The following KAZN variants were observed in gnomAD, a reference collection of about 807,000 sequenced individuals.
The protein encoded by KAZN is kazrin, periplakin interacting protein, also known as kazrin.
In KAZN, 40 loss-of-function variants were observed where a neutral mutation model predicts 87.4. The observed-to-expected ratio is 0.46, with a 90% CI of 0.36 to 0.60. KAZN has a LOEUF of 0.60. Ranked by LOEUF, KAZN falls within the 20% of genes least tolerant of loss-of-function variation. The probability of loss-of-function intolerance (pLI) is 0.00; values close to 1 mark genes in which losing one functional copy is unlikely to be tolerated. For missense variants in KAZN, 898 were observed against 1,073.9 expected, an observed-to-expected ratio of 0.84 and a Z score of 2.29; for synonymous variants, 466 against 458.3, an observed-to-expected ratio of 1.02 and a Z score of -0.22.
At chr1:14,399,006 G>A (rs2101123974) in intron 2 of KAZN, among the ~76,000 whole-genome samples, 1 of 152,080 alleles carries the variant, frequency 6.6e-6, no homozygotes, top group East Asian at 1.9e-4. Context: ...GCCATCCCTG[G>A]ACAAAGAAAT....
chr1:14,512,664 G>T (rs2148447407), intron 2 of KAZN, among the ~76,000 whole-genome samples: 1 of 152,304 alleles, frequency 6.6e-6, no homozygotes, highest in Admixed American at 6.5e-5. Context: ...CAGTTCGCCG[G>T]GGTCACTAGA....
chr1:14,575,587 A>G (rs1266698054), intron 2 of KAZN, among the ~76,000 whole-genome samples: 1 of 152,012 alleles, frequency 6.6e-6, no homozygotes, highest in Non-Finnish European at 1.5e-5. Context: ...ACCATGTCAA[A>G]GAGGTAGTCA....
chr1:14,956,299 GA>G (rs35057453), intron 1 of KAZN, among the ~76,000 whole-genome samples: 4,678 of 99,518 alleles, frequency 0.047, 140 homozygotes, highest in Non-Finnish European at 0.06. Context: ...AGAAGTCACT[GA>G]AAAAAAAAAA....
chr1:13,991,787 G>A (rs757622048), intron 1 of KAZN, among the ~76,000 whole-genome samples: 17 of 151,914 alleles, frequency 1.1e-4, no homozygotes, highest in African/African-American at 3.9e-4. Flanking sequence ...AACAAATATC[G>A]TGGTTGACAT....
In KAZN at chr1:14,408,899, A is replaced by T. The variant is rs193021089; in HGVS notation, c.250-190084A>T. On this transcript the variant is annotated intron_variant, in intron 2 of 16. Transcript: ENST00000636203. Reference sequence around the variant, plus strand: ...GAAAGAAAAGAAGAGGATGGGGTAGAGAATAATGGAGGGGGGGCGTTGTTT... The same window carrying T: ...GAAAGAAAAGAAGAGGATGGGGTAGTGAATAATGGAGGGGGGGCGTTGTTT... Among the ~76,000 whole-genome samples the T allele has an allele frequency of 7.9e-5, 12 of 152,126 alleles. No individual in the cohort carries two copies. The East Asian group carries it at 2.3e-3, about 29-fold the overall frequency.
intron 1 of KAZN, among the ~76,000 whole-genome samples, chr1:13,936,964 G>A (rs895762346): frequency 2.6e-5 from 4 of 151,582 alleles, no homozygotes; most frequent in African/African-American, 9.7e-5. Flanking sequence ...GTGATGTTGA[G>A]CATTTTTATG....
At chr1:14,728,056 C>A (rs576839616) in intron 1 of KAZN, among the ~76,000 whole-genome samples, 19 of 151,816 alleles carry the variant, frequency 1.3e-4, no homozygotes, top group Non-Finnish European at 2.2e-4. Context: ...GAGGCCGAGA[C>A]GGGCGGATCA....
chr1:14,970,607 A>G (rs1664926030), intron 2 of KAZN, among the ~76,000 whole-genome samples: 1 of 152,220 alleles, frequency 6.6e-6, no homozygotes, highest in East Asian at 1.9e-4. Context: ...GGCAGCCAGG[A>G]CGGCGCCTTC....
intron 2 of KAZN, among the ~76,000 whole-genome samples, chr1:14,259,522 AC>A (rs1557599838): frequency 2.6e-5 from 4 of 151,646 alleles, no homozygotes; most frequent in African/African-American, 9.7e-5. Context: ...TCCCAGCCTC[AC>A]CCCCCAAGTG....
At chr1:14,172,956 G>T (rs1460603122) in intron 1 of KAZN, among the ~76,000 whole-genome samples, 1 of 152,050 alleles carries the variant, frequency 6.6e-6, no homozygotes, top group East Asian at 1.9e-4. Context: ...CTTCTTATAT[G>T]GCAGCTTCTC....
chr1:14,366,410 G>A (rs909519401), intron 2 of KAZN, among the ~76,000 whole-genome samples: 10 of 152,208 alleles, frequency 6.6e-5, no homozygotes, highest in Admixed American at 6.5e-4. Context: ...TCTGTATATA[G>A]GAAACTTGGA....
At chr1:14,721,668 G>T (rs1251150679) in intron 1 of KAZN, among the ~76,000 whole-genome samples, 1 of 152,192 alleles carries the variant, frequency 6.6e-6, no homozygotes, top group Non-Finnish European at 1.5e-5. Flanking sequence ...TGTCTTTTCA[G>T]ATTTCCAACA....
At chr1:14,472,216 G>A (rs1668495011) in intron 2 of KAZN, among the ~76,000 whole-genome samples, 2 of 152,186 alleles carry the variant, frequency 1.3e-5, no homozygotes, top group African/African-American at 4.8e-5. Flanking sequence ...CGGACACATT[G>A]TAGATTAGGT....
chr1:14,643,959 G>A (rs541438571), intron 1 of KAZN, among the ~76,000 whole-genome samples: 2 of 145,386 alleles, frequency 1.4e-5, no homozygotes, highest in Admixed American at 1.4e-4. Flanking sequence ...TTGGCCACAT[G>A]TGTGTCTTCT....
At chr1:13,983,534 T>C (rs1309214868) in intron 1 of KAZN, among the ~76,000 whole-genome samples, 1 of 152,158 alleles carries the variant, frequency 6.6e-6, no homozygotes, top group East Asian at 1.9e-4. Flanking sequence ...TGGTTCCTGC[T>C]CGGGCCTCTC....
chr1:14,047,576 G>C (rs534885124), intron 1 of KAZN, among the ~76,000 whole-genome samples: 1 of 152,258 alleles, frequency 6.6e-6, no homozygotes, highest in African/African-American at 2.4e-5. Context: ...TGCTTAGAAA[G>C]AAAAAGTTTA....
intron 2 of KAZN, among the ~76,000 whole-genome samples, chr1:15,028,623 T>C (rs1348918130): frequency 6.6e-6 from 1 of 152,246 alleles, no homozygotes; most frequent in Non-Finnish European, 1.5e-5. Flanking sequence ...GCACCTGCCA[T>C]GTGCAAACTG....
chr1:14,636,720 T>C (rs188910943), intron 1 of KAZN, among the ~76,000 whole-genome samples: 402 of 152,308 alleles, frequency 2.6e-3, no homozygotes, highest in African/African-American at 8.6e-3. Flanking sequence ...GGCGAGTTCT[T>C]TCCTCAGCAG....
chr1:14,729,613 G>A (rs185914756), intron 1 of KAZN, among the ~76,000 whole-genome samples: 1 of 152,256 alleles, frequency 6.6e-6, no homozygotes. Flanking sequence ...GATTCCACTG[G>A]GGAAGCGTTC....
Sources: allele counts gnomAD v4.1 joint callset (sites outside exome capture counted in the v4.1 genomes callset), GRCh38; gene constraint gnomAD v4.1.1; transcripts MANE v1.5; gene names NCBI Gene and HGNC (gene_info 2026-07-23, HGNC 2026-07-21).